Variants in OR3A2 observed in about 807,000 individuals in gnomAD.
The protein encoded by OR3A2 is olfactory receptor family 3 subfamily A member 2.
For synonymous variants in OR3A2, 126 were observed against 159.3 expected (o/e 0.79, Z 1.57); for missense variants, 318 against 392.8 (o/e 0.81, Z 1.61).
rs377052898 is a variant in OR3A2, at chr17:3,353,802, T to C, written c.-178-17676A>G. On this transcript the variant is annotated intron_variant, in intron 2 of 4. Transcript: ENST00000573491. ...GGGTGTCCATCACCTCAAGCACTTA[T>C]GTTTCAAGTTACAAACAATCCAATT... Among the ~76,000 whole-genome samples, 20 of 151,926 alleles carry C rather than the reference T, an allele frequency of 1.3e-4. No individual in the cohort carries two copies. The South Asian group carries it at 2.7e-3, about 20-fold the overall frequency.
chr17:3,276,966 C>G (rs879592783), downstream of OR3A2: 3 of 149,224 alleles, frequency 2.0e-5, no homozygotes, highest in Non-Finnish European at 3.0e-5. Flanking sequence ...CTCTGTCGCC[C>G]AGGCTGGAGT....
At chr17:3,337,169 A>T (rs1483303984) in intron 2 of OR3A2, among the ~76,000 whole-genome samples, 1 of 152,206 alleles carries the variant, frequency 6.6e-6, no homozygotes, top group Non-Finnish European at 1.5e-5. Flanking sequence ...ATAACATAAA[A>T]TGTATCATTT....
At position 3,308,035 on chromosome 17, in the gene OR3A2, C is replaced by T. The variant is rs540595351; in HGVS notation, c.-85+27998G>A. Among the ~76,000 whole-genome samples, 121 of 152,272 alleles carry T rather than the reference C, an allele frequency of 7.9e-4. 1 individual carries two copies. The highest frequency in any genetic ancestry group is 2.8e-3 in the African/African-American group (118 of 41,548). On this transcript the variant is annotated intron_variant, in intron 3 of 4. Transcript: ENST00000573491. ...CTATAAAATGTTGATTACAAGAGTGCCGTTTCACCAGTGCTCAAAAATATT... is the reference window on the plus strand; with the variant it reads ...CTATAAAATGTTGATTACAAGAGTGTCGTTTCACCAGTGCTCAAAAATATT...
intron 3 of OR3A2, among the ~76,000 whole-genome samples, chr17:3,308,159 A>G (rs1294508772): frequency 6.6e-6 from 1 of 152,162 alleles, no homozygotes; most frequent in Non-Finnish European, 1.5e-5. Context: ...TGAGGTCATT[A>G]TGTCTTTGGC....
chr17:3,381,457 A>C lies in OR3A2; in HGVS notation c.-179+2347T>G, dbSNP rs563498540. 2.6e-5 allele frequency among the ~76,000 whole-genome samples: 4 copies of C among 152,210 alleles called. No homozygotes were observed. In the South Asian group the frequency reaches 6.2e-4, roughly 24 times the overall value. ...GAGGAAAGGGCTATGTGTCCACAAC[A>C]GCAGCTCAGCATCCAGGGAGCCCAG... On this transcript the variant is annotated intron_variant, in intron 2 of 4. Coordinates refer to the OR3A2 transcript ENST00000573491.
chr17:3,308,893 G>A (rs561404138), intron 3 of OR3A2, among the ~76,000 whole-genome samples: 1 of 144,780 alleles, frequency 6.9e-6, no homozygotes, highest in African/African-American at 2.6e-5. Flanking sequence ...AGAGGTTGAG[G>A]TGGATCACTG....
chr17:3,372,384 C>T lies in OR3A2; in HGVS notation c.-179+11420G>A, dbSNP rs982357448. On this transcript the variant is annotated intron_variant, in intron 2 of 4. Transcript: ENST00000573491. ...GGCTCCTCACGTCCCAGACGATGGG[C>T]GGCCAGACAGAGACGCTCCTCACTT... 2.8e-3 allele frequency among the ~76,000 whole-genome samples: 411 copies of T among 149,106 alleles called. 2 individuals are homozygous for T. The highest frequency in any genetic ancestry group is 0.017 in the Middle Eastern group (5 of 294).
chr17:3,325,459 C>A (rs1208417110), intron 3 of OR3A2, among the ~76,000 whole-genome samples: 1 of 152,062 alleles, frequency 6.6e-6, no homozygotes, highest in Admixed American at 6.6e-5. Context: ...ATCCACCCAC[C>A]TTGGCCTCCC....
At chr17:3,326,557 CT>C (rs144904025) in intron 3 of OR3A2, among the ~76,000 whole-genome samples, 22,454 of 149,276 alleles carry the variant, frequency 0.15, 2,273 homozygotes, top group African/African-American at 0.28. Context: ...TTTTTTTCTT[CT>C]TTTTTTTATT....
At chr17:3,368,926 A>G (rs1293442695) in intron 2 of OR3A2, among the ~76,000 whole-genome samples, 1 of 152,116 alleles carries the variant, frequency 6.6e-6, no homozygotes, top group African/African-American at 2.4e-5. Context: ...AGTGTTTTGT[A>G]GTTTTCCTTG....
intron 3 of OR3A2, among the ~76,000 whole-genome samples, chr17:3,316,543 T>C (rs923472293): frequency 2.0e-5 from 3 of 152,238 alleles, no homozygotes; most frequent in African/African-American, 7.2e-5. Context: ...ATTATTTTAT[T>C]AGCACATAGC....
intron 3 of OR3A2, among the ~76,000 whole-genome samples, chr17:3,296,688 T>C (rs2048920644): frequency 6.6e-6 from 1 of 152,098 alleles, no homozygotes; most frequent in African/African-American, 2.4e-5. Context: ...TTGGACATAA[T>C]TGGTAAAATA....
intron 3 of OR3A2, among the ~76,000 whole-genome samples, chr17:3,321,551 C>T: frequency 6.6e-6 from 1 of 152,110 alleles, no homozygotes. Flanking sequence ...TGAGATACAT[C>T]CTATCAATAC....
Position 3,345,521 on chromosome 17 carries a change from A to G in OR3A2, c.-178-9395T>C, listed in dbSNP as rs139968824. ...CAACAAAATTATAATAAGCAGCCTTAGAAAGTGAAATAAAATAAGAAGAGC... is the reference window on the plus strand; with the variant it reads ...CAACAAAATTATAATAAGCAGCCTTGGAAAGTGAAATAAAATAAGAAGAGC... On this transcript the variant is annotated intron_variant, in intron 2 of 4. Coordinates refer to the OR3A2 transcript ENST00000573491. 4.3e-3 allele frequency among the ~76,000 whole-genome samples: 659 copies of G among 152,232 alleles called. 7 individuals are homozygous for G. The highest frequency in any genetic ancestry group is 0.015 in the African/African-American group (613 of 41,546).
downstream of OR3A2, among the ~76,000 whole-genome samples, chr17:3,276,679 A>G (rs1032872897): frequency 2.0e-5 from 3 of 152,186 alleles, no homozygotes; most frequent in African/African-American, 7.2e-5. Context: ...AGAAGGTTAT[A>G]TTGGATATTC....
chr17:3,277,572 C>T (rs1249111373), exon 2 of OR3A2: 1 of 171,874 alleles, frequency 5.8e-6, no homozygotes, highest in Admixed American at 5.4e-5. Flanking sequence ...TAGGCACAGC[C>T]AAAAACAGGG....
At chr17:3,344,218 CTGGCTGAGACTTG>C (rs2049344604) in intron 2 of OR3A2, among the ~76,000 whole-genome samples, 1 of 152,168 alleles carries the variant, frequency 6.6e-6, no homozygotes, top group South Asian at 2.1e-4. Context: ...TTCTTCACTG[CTGGCTGAGACTTG>C]TGAGCTAAAA....
At position 3,298,495 on chromosome 17, in the gene OR3A2, C is replaced by A. The variant is rs185594313; in HGVS notation, c.-84-19342G>T. On this transcript the variant is annotated intron_variant, in intron 3 of 4. Coordinates refer to the OR3A2 transcript ENST00000573491. ...GATTCTCTGAGTGCCCTCCTACTCA[C>A]TTCAGTAAAAAGAGAAAGCAGGCCT... 5 of 152,272 alleles carry A rather than the reference C, an allele frequency of 3.3e-5. No individual in the cohort carries two copies. In the East Asian group the frequency reaches 9.6e-4, roughly 29 times the overall value. 9.4% of individuals were successfully genotyped at this position (152,272 alleles called of 1,614,324 possible).
At chr17:3,330,409 A>C (rs1281483829) in intron 3 of OR3A2, among the ~76,000 whole-genome samples, 1 of 151,442 alleles carries the variant, frequency 6.6e-6, no homozygotes, top group Non-Finnish European at 1.5e-5. Context: ...TATTGGGTAC[A>C]TATATATTTA....
Sources: allele counts gnomAD v4.1 joint callset (sites outside exome capture counted in the v4.1 genomes callset), GRCh38; gene constraint gnomAD v4.1.1; transcripts MANE v1.5; gene names NCBI Gene and HGNC (gene_info 2026-07-23, HGNC 2026-07-21).